Variants in ACLY observed in about 807,000 individuals in gnomAD.
ACLY encodes the protein ATP citrate lyase, also known as ATP-citrate synthase.
ACLY carries 41 observed loss-of-function variants against 133.0 expected under a neutral mutation model. The ratio of observed to expected loss-of-function variants is 0.31; its 90% confidence interval spans 0.24 to 0.40. The LOEUF (loss-of-function observed/expected upper bound fraction) is 0.40, where lower values mean the gene tolerates loss of function less well. Among genes scored for constraint, ACLY ranks in the 10% least tolerant of loss-of-function variants. ACLY has a pLI of 1.00. For missense variants in ACLY, 1,046 were observed against 1,453.8 expected (o/e 0.72, Z 4.56); for synonymous variants, 495 against 549.3 (o/e 0.90, Z 1.38).
At position 41,906,553 on chromosome 17, in the gene ACLY, C is replaced by T. The variant is rs1200927027; in HGVS notation, c.841G>A (p.Gly281Arg). The T allele has an allele frequency of 1.2e-6, 2 of 1,614,058 alleles. No individual in the cohort carries two copies. Among genetic ancestry groups the T allele is most frequent in the Non-Finnish European group, 1.7e-6 (2 of 1,180,020 alleles). ...PKGRIWTMVA[G>R]GGASVVYSDT... ...CTGTACACGACAGAGGCGCCACCCC[C>T]GGCCACCATGGTCCAGATCCTCCCT... Residue 281 changes from glycine (G) to arginine (R), a missense_variant, in exon 8 of 29, where the codon GGG becomes AGG. Around this residue, in one of 4 missense-constraint regions of ACLY, gnomAD observed 575 missense variants for 804.2 expected, o/e 0.71. Coordinates refer to ENST00000352035, the MANE Select transcript of ACLY (RefSeq NM_001096.3).
chr17:41,877,553 C>T (rs1030336464), intron 22 of ACLY, among the ~76,000 whole-genome samples: 5 of 151,786 alleles, frequency 3.3e-5, no homozygotes, highest in African/African-American at 1.2e-4. Flanking sequence ...TGGTCTCAAG[C>T]AGTCCTTCCA....
At chr17:41,914,087 A>T (rs2049983258) in intron 1 of ACLY, among the ~76,000 whole-genome samples, 191 bp from the exon 2 acceptor site, 1 of 152,384 alleles carries the variant, frequency 6.6e-6, no homozygotes, top group South Asian at 2.1e-4. Context: ...TTTTGCCAGC[A>T]GAGGAAGAAG....
At position 41,869,090 on chromosome 17, in the gene ACLY, G is replaced by A. The variant is rs782145292; in HGVS notation, c.3087C>T (p.Ile1029=). The change falls in exon 27 of 29, where the codon ATC becomes ATT. Residue 1029 remains isoleucine, a synonymous_variant. Coordinates refer to ENST00000352035, the MANE Select transcript of ACLY (RefSeq NM_001096.3). ...TAAGCATGTCTACAAATGCGACTCC[G>A]ATGAGACCATCTACATTCAGGATAA... ...PNLILNVDGL[I]GVAFVDMLRN... is the part of the protein sequence containing the mutation. 52 of 1,613,830 alleles carry A rather than the reference G, an allele frequency of 3.2e-5. No homozygotes were observed. The East Asian group carries it at 7.1e-4, about 22-fold the overall frequency.
At chr17:41,884,343 G>A (rs1703582319) in intron 18 of ACLY, 69 bp from the exon 19 acceptor site, 3 of 1,026,704 alleles carry the variant, frequency 2.9e-6, no homozygotes. Context: ...ACAGGGTTAG[G>A]AAGCACACTT....
chr17:41,887,374 G>A (rs370379483), intron 17 of ACLY, among the ~76,000 whole-genome samples: 3 of 152,098 alleles, frequency 2.0e-5, no homozygotes, highest in East Asian at 1.9e-4. Flanking sequence ...GGAAGCGGAG[G>A]TTGCAGTGAG....
chr17:41,909,800 G>A (rs1320601532), intron 4 of ACLY, 100 bp from the exon 5 acceptor site: 1 of 1,033,782 alleles, frequency 9.7e-7, no homozygotes, highest in Non-Finnish European at 1.4e-6. Context: ...TACTGGGAGA[G>A]GAAACCAATC....
Position 41,880,096 on chromosome 17 carries a change from T to C in ACLY, c.2266-1172A>G, listed in dbSNP as rs112588095. 3.1e-3 allele frequency among the ~76,000 whole-genome samples: 472 copies of C among 152,254 alleles called. 5 individuals are homozygous for C. Among genetic ancestry groups the C allele is most frequent in the African/African-American group, 0.01 (434 of 41,542 alleles). On this transcript the variant is annotated intron_variant, in intron 20 of 28. Transcript: ENST00000352035. Reference sequence around the variant, plus strand: ...AAGACATCTGATGCAAAGCCTTGTCTTAGGATGGGGTGCAGAGAGTAATCA... The same window carrying C: ...AAGACATCTGATGCAAAGCCTTGTCCTAGGATGGGGTGCAGAGAGTAATCA...
At chr17:41,902,484 G>C (rs373939526) in intron 10 of ACLY, among the ~76,000 whole-genome samples, 60 of 152,224 alleles carry the variant, frequency 3.9e-4, no homozygotes, top group African/African-American at 1.4e-3. Flanking sequence ...AAAGTGCTGG[G>C]ATTACAAGCG....
chr17:41,893,720 C>T (rs34864368), intron 14 of ACLY, among the ~76,000 whole-genome samples: 11,253 of 151,990 alleles, frequency 0.074, 632 homozygotes, highest in Non-Finnish European at 0.11. Context: ...TTTGTGCAGC[C>T]GGGGCTGAGG....
At chr17:41,912,620 C>G in intron 2 of ACLY, 78 bp from the exon 3 acceptor site, 1 of 1,560,594 alleles carries the variant, frequency 6.4e-7, no homozygotes, top group Non-Finnish European at 8.8e-7. Context: ...AAATAGAGGA[C>G]AGCAGGGATT....
At chr17:41,928,492 C>T (rs1168743513) in intron 1 of ACLY, among the ~76,000 whole-genome samples, 1 of 151,516 alleles carries the variant, frequency 6.6e-6, no homozygotes, top group Non-Finnish European at 1.5e-5. Flanking sequence ...ATGGTTTTGG[C>T]TATTTTAGGT....
chr17:41,878,671 C>T, intron 21 of ACLY, 126 bp downstream of exon 21: 3 of 1,184,410 alleles, frequency 2.5e-6, no homozygotes, highest in Non-Finnish European at 1.2e-6. Context: ...TTGAACCATC[C>T]ATACAGCTGC....
rs1555632863 is a variant in ACLY, at chr17:41,907,435, G to T, written c.747+7C>A. ...CAGTCCCCATCTCCTCTCTAAACCAGCCTTACCTCTGGATATGCCTCCCGC... is the reference window on the plus strand; with the variant it reads ...CAGTCCCCATCTCCTCTCTAAACCATCCTTACCTCTGGATATGCCTCCCGC... On this transcript the variant is annotated splice_region_variant and intron_variant, in intron 7 of 28. Transcript: ENST00000352035. The T allele has an allele frequency of 6.2e-7, 1 of 1,607,052 alleles. No individual in the cohort carries two copies. Among genetic ancestry groups the T allele is most frequent in the African/African-American group, 1.3e-5 (1 of 74,332 alleles).
chr17:41,916,358 C>T (rs1240063185), intron 1 of ACLY, among the ~76,000 whole-genome samples: 3 of 150,318 alleles, frequency 2.0e-5, no homozygotes, highest in African/African-American at 7.4e-5. Context: ...GTGAGGTCTT[C>T]TGTTTTTTTG....
At position 41,908,852 on chromosome 17, in the gene ACLY, T is replaced by C. The variant is rs73307783; in HGVS notation, c.616+137A>G. ...AACAGGAACTGGCACTAAACCTGCA[T>C]GGGGACCCCTCTGCTTGTGCACATC... On this transcript the variant is annotated intron_variant, in intron 6 of 28. Coordinates refer to ENST00000352035, the MANE Select transcript of ACLY (RefSeq NM_001096.3). 1.9e-3 allele frequency: 1,322 copies of C among 714,556 alleles called. 13 individuals are homozygous for C. In the African/African-American group the frequency reaches 0.021, roughly 11 times the overall value. 44.3% of individuals were successfully genotyped at this position (714,556 alleles called of 1,614,324 possible). A position where few individuals can be genotyped will look rare whatever the true frequency, so the allele number is the denominator to read the frequency against.
At chr17:41,919,087 T>G (rs2050136921), upstream of ACLY, 1 of 1,213,490 alleles carries the variant, frequency 8.2e-7, no homozygotes. Flanking sequence ...CTCCTCCCAA[T>G]TCGCTGCTGG....
At chr17:41,916,374 T>C (rs2050051873) in intron 1 of ACLY, among the ~76,000 whole-genome samples, 1 of 141,956 alleles carries the variant, frequency 7.0e-6, no homozygotes, top group Non-Finnish European at 1.5e-5. Context: ...TTTTGTTTTG[T>C]TTTGTTTTTT....
chr17:41,919,291 C>A (rs1378170353), upstream of ACLY, among the ~76,000 whole-genome samples: 1 of 151,270 alleles, frequency 6.6e-6, no homozygotes, highest in Non-Finnish European at 1.5e-5. Context: ...GGACAGATTG[C>A]CACTCGGGGA....
In ACLY at chr17:41,867,782, G is replaced by GT; in HGVS notation, c.*27dup. 1.3e-6 allele frequency: 2 copies of GT among 1,565,218 alleles called. No individual in the cohort carries two copies. The highest frequency in any genetic ancestry group is 1.7e-6 in the Non-Finnish European group (2 of 1,144,702). On this transcript the variant is annotated 3_prime_UTR_variant, in exon 29 of 29. Transcript: ENST00000352035. ...CTTGGGGGAAGAGATCTTGTCTTCA[G>GT]TTTACTGCAGTAGGGTTCCTGGCTC...
Sources: allele counts gnomAD v4.1 joint callset (sites outside exome capture counted in the v4.1 genomes callset), GRCh38; gene constraint gnomAD v4.1.1; regional missense constraint gnomAD v4.1.1; transcripts MANE v1.5; gene names NCBI Gene and HGNC (gene_info 2026-07-23, HGNC 2026-07-21).